Variants in MID1 observed in about 807,000 individuals in gnomAD.
The protein encoded by MID1 is midline 1, also known as E3 ubiquitin-protein ligase Midline-1.
A neutral mutation model predicts 40.4 loss-of-function variants in MID1; 7 were observed. The observed-to-expected ratio is 0.17, with a 90% CI of 0.10 to 0.33. The LOEUF is 0.33. Ranked by LOEUF, MID1 falls within the 10% of genes least tolerant of loss-of-function variation. The pLI is 1.00. For missense variants in MID1, 367 were observed against 558.5 expected (o/e 0.66, Z 3.46); for synonymous variants, 229 against 221.2 (o/e 1.04, Z -0.31).
chrX:10,817,548 C>CT (rs2044145576), intron 1 of MID1, among the ~76,000 whole-genome samples: 2 of 98,510 alleles, frequency 2.0e-5, no homozygotes, highest in South Asian at 9.5e-4. Context: ...TTCTTTCTTT[C>CT]TTTCTTTCTT....
At chrX:10,767,059 C>T (rs1471309199) in intron 1 of MID1, among the ~76,000 whole-genome samples, 1 of 111,503 alleles carries the variant, frequency 9.0e-6, no homozygotes, top group Non-Finnish European at 1.9e-5. Context: ...TTAGGCTAAG[C>T]ATCTAACCCA....
At chrX:10,604,934 T>A (rs1167054811) in intron 1 of MID1, among the ~76,000 whole-genome samples, 1 of 112,513 alleles carries the variant, frequency 8.9e-6, no homozygotes, top group African/African-American at 3.2e-5. Flanking sequence ...TGCCAAAAAA[T>A]TGAAGTCTAT....
intron 2 of MID1, among the ~76,000 whole-genome samples, chrX:10,562,371 T>TAAA (rs760465620): frequency 2.2e-5 from 1 of 44,877 alleles, no homozygotes; most frequent in African/African-American, 8.6e-5. Context: ...GAACTTAAAG[T>TAAA]AAAAAAAAAA....
chrX:10,549,212 G>C (rs181210577), intron 2 of MID1, among the ~76,000 whole-genome samples: 2 of 112,754 alleles, frequency 1.8e-5, no homozygotes, highest in African/African-American at 6.4e-5. Context: ...TCTAGACTAT[G>C]AGTACCTATG....
intron 1 of MID1, among the ~76,000 whole-genome samples, chrX:10,784,806 T>C (rs959244663): frequency 1.8e-5 from 2 of 110,768 alleles, no homozygotes; most frequent in East Asian, 2.8e-4. Context: ...AAAACACAAG[T>C]GTATTGATGG....
At chrX:10,646,255 G>A (rs371323245) in intron 1 of MID1, among the ~76,000 whole-genome samples, 1 of 111,465 alleles carries the variant, frequency 9.0e-6, no homozygotes, top group African/African-American at 3.3e-5. Context: ...TGCTGGCAGA[G>A]TTCAATTCTG....
At chrX:10,627,224 T>C (rs890585315) in intron 1 of MID1, among the ~76,000 whole-genome samples, 1 of 112,155 alleles carries the variant, frequency 8.9e-6, no homozygotes, top group Non-Finnish European at 1.9e-5. Flanking sequence ...ATCTGGCCCA[T>C]AGATGACCAG....
At position 10,704,602 on chromosome X, in the gene MID1, CA is replaced by C. The variant is rs759082480; in HGVS notation, c.-186-84184del. Among the ~76,000 whole-genome samples, 24 of 106,669 alleles carry C rather than the reference CA, an allele frequency of 2.2e-4. No individual in the cohort carries two copies. The South Asian group carries it at 4.2e-3, about 18-fold the overall frequency. 92.6% of individuals were successfully genotyped at this position (106,669 alleles called of 115,157 possible). A position where few individuals can be genotyped will look rare whatever the true frequency, so the allele number is the denominator to read the frequency against. On this transcript the variant is annotated intron_variant, in intron 1 of 10. Transcript: ENST00000380785. ...TAACAGCAAAAGTTACAACAGAATC[CA>C]AATGTCATTGCATCAACAAATATTA...
intron 1 of MID1, among the ~76,000 whole-genome samples, chrX:10,602,884 G>A (rs1935557938): frequency 1.8e-5 from 2 of 111,876 alleles, no homozygotes; most frequent in Admixed American, 9.5e-5. Context: ...CTCAAGGTGT[G>A]GAACAAGACA....
intron 1 of MID1, among the ~76,000 whole-genome samples, chrX:10,681,035 A>C (rs1379489492): frequency 3.3e-5 from 3 of 91,052 alleles, no homozygotes; most frequent in Non-Finnish European, 6.2e-5. Flanking sequence ...CAATAATAAT[A>C]ATAATAATAA....
chrX:10,593,594 T>C (rs1209962756), intron 1 of MID1, among the ~76,000 whole-genome samples: 1 of 111,577 alleles, frequency 9.0e-6, no homozygotes, highest in Non-Finnish European at 1.9e-5. Flanking sequence ...CGCTCCTGTA[T>C]TGGGTAGGAG....
chrX:10,588,223 A>G (rs779434782), intron 1 of MID1, among the ~76,000 whole-genome samples: 1 of 112,547 alleles, frequency 8.9e-6, no homozygotes, highest in Non-Finnish European at 1.9e-5. Context: ...TAATCCTTTT[A>G]CCAAAGGTAT....
intron 1 of MID1, among the ~76,000 whole-genome samples, chrX:10,717,844 A>G (rs2043317452): frequency 9.0e-6 from 1 of 111,423 alleles, no homozygotes; most frequent in Non-Finnish European, 1.9e-5. Context: ...ATAACAAACT[A>G]TCTCTCAGAC....
At chrX:10,708,194 G>A (rs1484855652) in intron 1 of MID1, among the ~76,000 whole-genome samples, 1 of 112,544 alleles carries the variant, frequency 8.9e-6, no homozygotes, top group Non-Finnish European at 1.9e-5. Flanking sequence ...AAAAATGAAT[G>A]TCTGGGCACT....
chrX:10,613,408 A>G (rs1935768488), intron 1 of MID1, among the ~76,000 whole-genome samples: 1 of 109,273 alleles, frequency 9.2e-6, no homozygotes. Flanking sequence ...CACCATCTAC[A>G]TGGAGAAGGC....
chrX:10,462,229 CCTTTAT>C (rs1192849348), intron 7 of MID1, among the ~76,000 whole-genome samples: 2 of 111,803 alleles, frequency 1.8e-5, no homozygotes, highest in Admixed American at 1.9e-4. Context: ...TTTAGGTTTA[CCTTTAT>C]GTTATTATTA....
At chrX:10,677,962 C>T (rs2043034077) in intron 1 of MID1, among the ~76,000 whole-genome samples, 1 of 110,602 alleles carries the variant, frequency 9.0e-6, no homozygotes, top group African/African-American at 3.3e-5. Context: ...TTTTCTGATT[C>T]CCCTTTGCTG....
At chrX:10,632,399 A>C (rs368117285) in intron 1 of MID1, among the ~76,000 whole-genome samples, 5 of 111,816 alleles carry the variant, frequency 4.5e-5, no homozygotes, top group African/African-American at 1.6e-4. Flanking sequence ...AAGAGATTTA[A>C]AAGATACGGG....
intron 7 of MID1, among the ~76,000 whole-genome samples, chrX:10,465,212 TATACAC>T (rs1351112857): frequency 2.4e-3 from 136 of 55,998 alleles, no homozygotes; most frequent in Non-Finnish European, 3.0e-3. Flanking sequence ...TATATATATA[TATACAC>T]ACACACACAC....
Sources: allele counts gnomAD v4.1 joint callset (sites outside exome capture counted in the v4.1 genomes callset), GRCh38; gene constraint gnomAD v4.1.1; transcripts MANE v1.5; gene names NCBI Gene and HGNC (gene_info 2026-07-23, HGNC 2026-07-21).